Variants in COG3 observed in about 807,000 individuals in gnomAD.
COG3 encodes conserved oligomeric Golgi complex subunit 3.
COG3 carries 32 observed loss-of-function variants against 114.1 expected under a neutral mutation model. That is an observed-to-expected ratio of 0.28 (90% CI 0.21 to 0.38). The LOEUF is 0.38. COG3 is among the 10% of genes least tolerant of loss of function. The pLI is 1.00. For missense variants in COG3, 813 were observed against 973.2 expected (o/e 0.84, Z 2.19); for synonymous variants, 352 against 365.7 (o/e 0.96, Z 0.43).
At position 45,492,268 on chromosome 13, in the gene COG3, C is replaced by T. The variant is rs768586230; in HGVS notation, c.1187+18C>T. 3.5e-6 allele frequency: 5 copies of T among 1,442,066 alleles called. No individual in the cohort carries two copies. The highest frequency in any genetic ancestry group is 1.8e-4 in the Middle Eastern group (1 of 5,714). The allele number at this position is 1,442,066 out of a possible 1,614,324, so 89.3% of individuals were successfully genotyped here. On this transcript the variant is annotated intron_variant, in intron 11 of 22. Coordinates refer to ENST00000349995, the MANE Select transcript of COG3 (RefSeq NM_031431.4). ...AAATTAGAGTAGGTGGACATGGAAT[C>T]TAACTCTTGTTCATAAAATTTAACT...
chr13:45,532,452 A>G (rs956412049), intron 22 of COG3, among the ~76,000 whole-genome samples: 1 of 152,028 alleles, frequency 6.6e-6, no homozygotes, highest in African/African-American at 2.4e-5. Flanking sequence ...GAATTACAGA[A>G]CAAGGTGCAT....
rs550960741 is a variant in COG3, at chr13:45,535,160, G to C, written c.*429G>C. The C allele has an allele frequency of 4.8e-4, 477 of 992,552 alleles. No individual in the cohort carries two copies. Among genetic ancestry groups the C allele is most frequent in the Non-Finnish European group, 5.5e-4 (459 of 834,976 alleles). The allele number at this position is 992,552 out of a possible 1,614,324, so 61.5% of individuals were successfully genotyped here. ...AAACACTGTAACACTTTTAACCACT[G>C]AGCATTCCACAGTGAAATGTTATTT... On this transcript the variant is annotated 3_prime_UTR_variant, in exon 23 of 23. Transcript: ENST00000349995.
intron 2 of COG3, among the ~76,000 whole-genome samples, chr13:45,476,705 C>CT (rs201322519): frequency 5.6e-5 from 4 of 71,258 alleles, no homozygotes; most frequent in Non-Finnish European, 1.7e-4. Flanking sequence ...CTAGGTAGTC[C>CT]TTTTTTAAAA....
At position 45,492,191 on chromosome 13, in the gene COG3, C is replaced by T. The variant is rs1004667120; in HGVS notation, c.1128C>T (p.Val376=). 2 of 1,610,780 alleles carry T rather than the reference C, an allele frequency of 1.2e-6. No individual in the cohort carries two copies. The highest frequency in any genetic ancestry group is 1.7e-6 in the Non-Finnish European group (2 of 1,178,590). The change falls in exon 11 of 23, where the codon GTC becomes GTT. Residue 376 remains valine, a synonymous_variant. Coordinates refer to ENST00000349995, the MANE Select transcript of COG3 (RefSeq NM_031431.4). ...GTGGCTGTGCCTTCATGGTTCATGT[C>T]TGCCAGGATGAACACCAACTTTACA... ...VRSGCAFMVH[V]CQDEHQLYNE...
chr13:45,497,229 T>G (rs1347999516), intron 13 of COG3, among the ~76,000 whole-genome samples: 13 of 152,340 alleles, frequency 8.5e-5, no homozygotes, highest in African/African-American at 2.9e-4. Flanking sequence ...GACTTGGGTT[T>G]ATCTTCCTGA....
chr13:45,535,472 GTGTT>G lies in COG3; in HGVS notation c.*745_*748del. 1 of 985,476 alleles carries G rather than the reference GTGTT, an allele frequency of 1.0e-6. No homozygotes were observed. Among genetic ancestry groups the G allele is most frequent in the Non-Finnish European group, 1.2e-6 (1 of 829,970 alleles). The allele number at this position is 985,476 out of a possible 1,614,324, so 61.0% of individuals were successfully genotyped here. ...GAGTATCTTCATGGTATGATAGTGT[GTGTT>G]TGTGAGTGCGAAGTACCAATTAAGG... On this transcript the variant is annotated 3_prime_UTR_variant, in exon 23 of 23. Coordinates refer to ENST00000349995, the MANE Select transcript of COG3 (RefSeq NM_031431.4).
intron 8 of COG3, among the ~76,000 whole-genome samples, chr13:45,489,701 G>A (rs545533253): frequency 6.6e-6 from 1 of 152,098 alleles, no homozygotes; most frequent in Admixed American, 6.6e-5. Context: ...AATTATAAAA[G>A]ACTGAGTAAA....
In COG3 at chr13:45,484,574, TTGCTTATTTATTTATTTA is replaced by T. The variant is rs1477546280; in HGVS notation, c.843+1221_843+1238del. The stretch of plus-strand genomic sequence containing the variant: ...CTTCCTGAGATTTTTCTCCCTAAGC[TTGCTTATTTATTTATTTA>T]TTTATTTATTTATTTATTTATTTTT... On this transcript the variant is annotated intron_variant, in intron 7 of 22. Transcript: ENST00000349995. 4.1e-3 allele frequency among the ~76,000 whole-genome samples: 561 copies of T among 136,948 alleles called. 3 individuals are homozygous for T. The highest frequency in any genetic ancestry group is 0.014 in the African/African-American group (541 of 38,078). 89.8% of individuals were successfully genotyped at this position (136,948 alleles called of 152,430 possible).
chr13:45,503,337 C>G lies in COG3; in HGVS notation c.1582C>G (p.Leu528Val). ...CTTAGAAGAAGGAGAGTCTAACAGT[C>G]TGACAAAATCTGGTATGTTATGATG... ...VHLEEGESNS[L>V]TKSGSTESLN... The change falls in exon 14 of 23, where the codon CTG (leucine) becomes GTG (valine). Residue 528 changes from leucine (L) to valine (V), a missense_variant. Coordinates refer to ENST00000349995, the MANE Select transcript of COG3 (RefSeq NM_031431.4). The G allele has an allele frequency of 1.3e-6, 2 of 1,549,818 alleles. No homozygotes were observed. Among genetic ancestry groups the G allele is most frequent in the South Asian group, 2.2e-5 (2 of 89,488 alleles).
At chr13:45,472,725 G>A (rs932113620) in intron 1 of COG3, among the ~76,000 whole-genome samples, 30 of 152,190 alleles carry the variant, frequency 2.0e-4, no homozygotes, top group African/African-American at 7.2e-4. Context: ...TTGAAATTGT[G>A]TATCTGTTTA....
chr13:45,481,311 A>G lies in COG3; in HGVS notation c.624+7A>G. The G allele has an allele frequency of 6.9e-7, 1 of 1,443,428 alleles. No homozygotes were observed. The highest frequency in any genetic ancestry group is 9.7e-7 in the Non-Finnish European group (1 of 1,032,080). 89.4% of individuals were successfully genotyped at this position (1,443,428 alleles called of 1,614,324 possible). A position where few individuals can be genotyped will look rare whatever the true frequency, so the allele number is the denominator to read the frequency against. ...ATTGGAAACTATTAACACAGTAAGC[A>G]TTGTTCTTTACTTCTTATAAAGTTA... On this transcript the variant is annotated splice_region_variant and intron_variant, in intron 5 of 22. Coordinates refer to ENST00000349995, the MANE Select transcript of COG3 (RefSeq NM_031431.4).
intron 19 of COG3, 47 bp from the exon 20 acceptor site, chr13:45,524,929 T>C (rs770440219): frequency 1.6e-5 from 23 of 1,469,132 alleles, no homozygotes; most frequent in Non-Finnish European, 2.8e-6. Flanking sequence ...CAGTTTAATT[T>C]GTCATTGATG....
rs1476759701 is a variant in COG3, at chr13:45,497,913, C to T, written c.1488+1601C>T. Among the ~76,000 whole-genome samples the T allele has an allele frequency of 5.3e-5, 8 of 151,910 alleles. No homozygotes were observed. In the South Asian group the frequency reaches 1.0e-3, roughly 20 times the overall value. On this transcript the variant is annotated intron_variant, in intron 13 of 22. Coordinates refer to ENST00000349995, the MANE Select transcript of COG3 (RefSeq NM_031431.4). The stretch of plus-strand genomic sequence containing the variant: ...GGTTACTCCTTCTAAGTAGCAGAAA[C>T]CAATGAGTAAAGATATCAAGTCAAG...
At chr13:45,506,656 T>C (rs1478011637) in intron 14 of COG3, among the ~76,000 whole-genome samples, 1 of 152,172 alleles carries the variant, frequency 6.6e-6, no homozygotes, top group Non-Finnish European at 1.5e-5. Context: ...CAGTTATCAG[T>C]GTTATCACAA....
chr13:45,496,823 G>A (rs966039246), intron 13 of COG3, among the ~76,000 whole-genome samples: 13 of 151,674 alleles, frequency 8.6e-5, no homozygotes, highest in African/African-American at 2.9e-4. Context: ...ACAGGCGCCC[G>A]CCACCACACC....
chr13:45,507,576 C>G (rs1457917940), intron 14 of COG3, among the ~76,000 whole-genome samples: 1 of 151,898 alleles, frequency 6.6e-6, no homozygotes, highest in Admixed American at 6.6e-5. Context: ...ACCAGCCTGA[C>G]TAACATGGCA....
intron 1 of COG3, among the ~76,000 whole-genome samples, chr13:45,471,878 G>A (rs1000955583): frequency 5.3e-5 from 8 of 151,574 alleles, no homozygotes; most frequent in Admixed American, 2.0e-4. Flanking sequence ...GATTACAGGC[G>A]CCCGCCACTA....
rs146872590 is a variant in COG3, at chr13:45,515,044, C to G, written c.1810-1099C>G. ...AAGAAATTGTTCTTACATACTTAAACTGAGCACCTGTCAACAAATTAACAT... is the reference window on the plus strand; with the variant it reads ...AAGAAATTGTTCTTACATACTTAAAGTGAGCACCTGTCAACAAATTAACAT... On this transcript the variant is annotated intron_variant, in intron 16 of 22. Transcript: ENST00000349995. 2.0e-5 allele frequency among the ~76,000 whole-genome samples: 3 copies of G among 152,334 alleles called. No individual in the cohort carries two copies. In the East Asian group the frequency reaches 5.8e-4, roughly 29 times the overall value.
At chr13:45,531,231 C>A in intron 22 of COG3, 1 of 194,778 alleles carries the variant, frequency 5.1e-6, no homozygotes, top group Non-Finnish European at 9.7e-6. Flanking sequence ...CACCCATCAC[C>A]CGAGCAGTAT....
Sources: gnomAD v4.1 joint callset for allele counts (sites outside exome capture counted in the v4.1 genomes callset) on GRCh38, gnomAD v4.1.1 for gene constraint, MANE v1.5 for transcripts, NCBI Gene and HGNC (gene_info 2026-07-23, HGNC 2026-07-21) for gene names.